PACSIN2: variants seen among roughly 807,000 people sequenced by gnomAD.
PACSIN2 encodes protein kinase C and casein kinase substrate in neurons protein 2.
PACSIN2 carries 25 observed loss-of-function variants against 63.8 expected under a neutral mutation model. The ratio of observed to expected loss-of-function variants is 0.39; its 90% CI spans 0.29 to 0.55. The LOEUF (loss-of-function observed/expected upper bound fraction) is 0.55, where lower values mean the gene tolerates loss of function less well. Ranked by LOEUF, PACSIN2 falls within the 20% of genes least tolerant of loss-of-function variation. PACSIN2 has a pLI of 0.62. For synonymous variants in PACSIN2, 255 were observed against 256.2 expected (o/e 1.00, Z 0.05); for missense variants, 518 against 646.9 (o/e 0.80, Z 2.16).
intron 1 of PACSIN2, among the ~76,000 whole-genome samples, chr22:42,947,855 C>T (rs553847254): frequency 6.6e-6 from 1 of 152,344 alleles, no homozygotes; most frequent in Non-Finnish European, 1.5e-5. Context: ...CAAGCATTGG[C>T]CAGGGAGAAG....
intron 1 of PACSIN2, among the ~76,000 whole-genome samples, chr22:42,926,672 GAAAA>G (rs56964351): frequency 6.9e-6 from 1 of 145,828 alleles, no homozygotes; most frequent in East Asian, 2.0e-4. Context: ...CTTCCCACAG[GAAAA>G]AAAAAAAAAT....
intron 8 of PACSIN2, among the ~76,000 whole-genome samples, chr22:42,878,765 C>A (rs1377920590): frequency 6.6e-6 from 1 of 152,214 alleles, no homozygotes; most frequent in Non-Finnish European, 1.5e-5. Context: ...AGCTCCTCCC[C>A]ACTCAGGTCT....
At chr22:42,962,797 A>C (rs919990734) in intron 1 of PACSIN2, among the ~76,000 whole-genome samples, 15 of 144,220 alleles carry the variant, frequency 1.0e-4, no homozygotes, top group African/African-American at 4.1e-4. Flanking sequence ...GCGGCGCAGA[A>C]AAAGAAAACT....
At chr22:42,879,217 T>C in intron 7 of PACSIN2, 48 bp from the exon 8 acceptor site, 1 of 1,592,788 alleles carries the variant, frequency 6.3e-7, no homozygotes, top group Non-Finnish European at 8.6e-7. Flanking sequence ...CACTACTTGC[T>C]GGAAGCCACG....
chr22:42,948,452 T>C (rs193033063), intron 1 of PACSIN2, among the ~76,000 whole-genome samples: 1 of 152,180 alleles, frequency 6.6e-6, no homozygotes, highest in Non-Finnish European at 1.5e-5. Context: ...ACCAGTACTA[T>C]AAATATGTGC....
chr22:42,914,949 G>A (rs1266665297), intron 1 of PACSIN2, among the ~76,000 whole-genome samples: 3 of 152,204 alleles, frequency 2.0e-5, no homozygotes, highest in East Asian at 3.9e-4. Flanking sequence ...CTGCAGCCTC[G>A]AACTCATGGG....
chr22:42,923,693 C>T (rs1325133454), intron 1 of PACSIN2, among the ~76,000 whole-genome samples: 2 of 152,184 alleles, frequency 1.3e-5, no homozygotes, highest in East Asian at 1.9e-4. Flanking sequence ...TCCCAAAGTG[C>T]TGGCATTACA....
intron 1 of PACSIN2, among the ~76,000 whole-genome samples, chr22:42,949,882 T>C (rs986905345): frequency 1.3e-5 from 2 of 152,248 alleles, no homozygotes; most frequent in African/African-American, 2.4e-5. Flanking sequence ...TACAAATTAT[T>C]TTACATCTAT....
chr22:42,954,830 T>A (rs1038355215), intron 1 of PACSIN2, among the ~76,000 whole-genome samples: 2 of 151,940 alleles, frequency 1.3e-5, no homozygotes, highest in African/African-American at 4.8e-5. Context: ...AGTCTCAAAT[T>A]TCGGAGGCAT....
At chr22:43,006,640 C>A (rs1411557072) in intron 1 of PACSIN2, among the ~76,000 whole-genome samples, 1 of 152,074 alleles carries the variant, frequency 6.6e-6, no homozygotes, top group Non-Finnish European at 1.5e-5. Context: ...CATGGTAAAA[C>A]CCCATCTCTA....
rs1459475428 is a variant in PACSIN2 at position 42,879,274 on chromosome 22, T to C, written c.907-105A>G. On this transcript the variant is annotated intron_variant, in intron 7 of 10. Transcript: ENST00000263246. Reference sequence around the variant, plus strand: ...GCGAGCCTGCAGTTGGCTCTGTGCATCTGATGTGTAGACTCAGGGCCCCAG... The same window carrying C: ...GCGAGCCTGCAGTTGGCTCTGTGCACCTGATGTGTAGACTCAGGGCCCCAG... 10 of 1,268,778 alleles carry C rather than the reference T, an allele frequency of 7.9e-6. No homozygotes were observed. In the East Asian group the frequency reaches 1.5e-4, roughly 18 times the overall value. The allele number at this position is 1,268,778 out of a possible 1,614,324, so 78.6% of individuals were successfully genotyped here.
intron 1 of PACSIN2, among the ~76,000 whole-genome samples, chr22:42,982,866 C>CAAAAAAAAAAAAAAAA (rs1373760068): frequency 3.7e-5 from 1 of 26,742 alleles, no homozygotes; most frequent in Non-Finnish European, 7.0e-5. Context: ...AAAGAATGAT[C>CAAAAAAAAAAAAAAAA]AATAAAAAAA....
At chr22:42,982,023 C>T (rs1466819995) in intron 1 of PACSIN2, among the ~76,000 whole-genome samples, 2 of 112,630 alleles carry the variant, frequency 1.8e-5, no homozygotes, top group East Asian at 3.0e-4. Flanking sequence ...CCCTTCCGGC[C>T]GGCCGCCCCG....
intron 1 of PACSIN2, among the ~76,000 whole-genome samples, chr22:42,982,987 C>A (rs1348118966): frequency 6.6e-6 from 1 of 151,262 alleles, no homozygotes; most frequent in African/African-American, 2.4e-5. Flanking sequence ...TCAAGACCAG[C>A]GTGGCCAACA....
chr22:42,999,948 G>T (rs1305962615), intron 1 of PACSIN2, among the ~76,000 whole-genome samples: 16 of 152,218 alleles, frequency 1.1e-4, no homozygotes, highest in Non-Finnish European at 2.4e-4. Context: ...GTTCTCTAAG[G>T]GCAATGCCAT....
intron 1 of PACSIN2, among the ~76,000 whole-genome samples, chr22:42,943,069 T>A (rs1199662483): frequency 1.3e-5 from 2 of 152,238 alleles, no homozygotes; most frequent in East Asian, 3.8e-4. Context: ...TAAATTTATT[T>A]CAACAATGTT....
chr22:42,962,775 C>CGGGGGGGGGGGGGG (rs1555936911), intron 1 of PACSIN2, among the ~76,000 whole-genome samples: 1 of 16,420 alleles, frequency 6.1e-5, no homozygotes, highest in African/African-American at 1.8e-4. Context: ...AAGGTGTGGG[C>CGGGGGGGGGGGGGG]GGGGGGGGGG....
At chr22:42,986,419 A>G (rs1038711012) in intron 1 of PACSIN2, among the ~76,000 whole-genome samples, 31 of 152,232 alleles carry the variant, frequency 2.0e-4, no homozygotes, top group African/African-American at 6.7e-4. Context: ...CAAACGCCTA[A>G]AAGAAATGAC....
chr22:42,891,991 CTG>C (rs1253176961), intron 3 of PACSIN2, among the ~76,000 whole-genome samples: 1 of 152,170 alleles, frequency 6.6e-6, no homozygotes, highest in Non-Finnish European at 1.5e-5. Flanking sequence ...CTTGAGAACA[CTG>C]TGGAATGAGG....
Sources: gnomAD v4.1 joint callset for allele counts (sites outside exome capture counted in the v4.1 genomes callset) on GRCh38, gnomAD v4.1.1 for gene constraint, MANE v1.5 for transcripts, NCBI Gene and HGNC (gene_info 2026-07-23, HGNC 2026-07-21) for gene names.